The following CHD6 variants were observed in gnomAD, a reference collection of about 807,000 sequenced individuals.
CHD6 encodes chromodomain helicase DNA binding protein 6, also known as ATP-dependent chromatin remodeler CHD6.
A neutral mutation model predicts 276.9 loss-of-function variants in CHD6; 50 were observed. The ratio of observed to expected loss-of-function variants is 0.18; its 90% CI spans 0.14 to 0.23. The LOEUF (loss-of-function observed/expected upper bound fraction) is 0.23, where lower values mean the gene tolerates loss of function less well. Among genes scored for constraint, CHD6 ranks in the 10% least tolerant of loss-of-function variants. The pLI, the probability that CHD6 is intolerant of heterozygous loss-of-function variation, is 1.00. For synonymous variants in CHD6, 1,173 were observed against 1,229.3 expected, an observed-to-expected ratio of 0.95 and a Z score of 0.96; for missense variants, 2,564 against 3,365.8, an observed-to-expected ratio of 0.76 and a Z score of 5.89.
chr20:41,510,984 GAA>G (rs1301623251), intron 5 of CHD6, among the ~76,000 whole-genome samples: 1 of 152,240 alleles, frequency 6.6e-6, no homozygotes, highest in Non-Finnish European at 1.5e-5. Context: ...ACCATGACAT[GAA>G]ATCAACTGTT....
intron 33 of CHD6, among the ~76,000 whole-genome samples, chr20:41,416,112 C>T (rs1049274958): frequency 6.6e-6 from 1 of 152,180 alleles, no homozygotes; most frequent in African/African-American, 2.4e-5. Flanking sequence ...TCATCACCCC[C>T]ACCAAAACGC....
At chr20:41,477,361 A>G (rs1262575190) in intron 16 of CHD6, among the ~76,000 whole-genome samples, 2 of 152,186 alleles carry the variant, frequency 1.3e-5, no homozygotes, top group African/African-American at 2.4e-5. Context: ...AGTATACATA[A>G]TATCTCCCTA....
chr20:41,602,355 T>C (rs1278069284), intron 1 of CHD6, among the ~76,000 whole-genome samples: 1 of 152,152 alleles, frequency 6.6e-6, no homozygotes, highest in Non-Finnish European at 1.5e-5. Flanking sequence ...AAAAAGAAGG[T>C]GCCCATTTCA....
At chr20:41,520,869 A>T (rs568983289) in intron 3 of CHD6, among the ~76,000 whole-genome samples, 68 of 152,302 alleles carry the variant, frequency 4.5e-4, no homozygotes, top group African/African-American at 1.5e-3. Flanking sequence ...ATTTCTAAAG[A>T]TATTTAAGTG....
Position 41,430,480 on chromosome 20 carries a change from G to C in CHD6, c.4069-4327C>G, listed in dbSNP as rs367967025. Among the ~76,000 whole-genome samples the C allele has an allele frequency of 9.9e-5, 15 of 152,162 alleles. No homozygotes were observed. The East Asian group carries it at 2.5e-3, about 25-fold the overall frequency. ...CATATGAGCTACTGCTGGGAGGAAG[G>C]GGCATAAACCCACACCTGAATTACT... is the stretch of plus-strand genomic sequence containing the variant. On this transcript the variant is annotated intron_variant, in intron 27 of 36. Transcript: ENST00000373233.
intron 1 of CHD6, among the ~76,000 whole-genome samples, chr20:41,594,166 A>C (rs1328587576): frequency 1.3e-5 from 2 of 152,160 alleles, no homozygotes; most frequent in Non-Finnish European, 2.9e-5. Context: ...GGTGTTCCAC[A>C]GTATCAATAG....
At chr20:41,507,280 T>A (rs370314137) in intron 5 of CHD6, among the ~76,000 whole-genome samples, 2 of 152,184 alleles carry the variant, frequency 1.3e-5, no homozygotes, top group African/African-American at 4.8e-5. Context: ...CTTTAATACA[T>A]GGATGAAGAA....
intron 1 of CHD6, among the ~76,000 whole-genome samples, chr20:41,553,230 CAAT>C (rs1787946006): frequency 6.6e-6 from 1 of 152,180 alleles, no homozygotes; most frequent in Admixed American, 6.5e-5. Context: ...AGGGTATTAA[CAAT>C]AAGACATACG....
At chr20:41,538,092 C>T (rs1393957394) in intron 2 of CHD6, among the ~76,000 whole-genome samples, 2 of 152,186 alleles carry the variant, frequency 1.3e-5, no homozygotes, top group African/African-American at 2.4e-5. Flanking sequence ...TGGCTCACAC[C>T]TATAATCCCA....
Position 41,415,256 on chromosome 20 carries a change from C to T in CHD6, c.6869G>A (p.Arg2290Lys). Residue 2290 changes from arginine to lysine, a missense_variant, in exon 34 of 37, where the codon AGG becomes AAG. Arg to Lys is a conservative substitution (Grantham distance 26). This residue lies in a region of CHD6 where 1,024 missense variants were observed against 1,047.9 expected (regional missense o/e 0.98). Coordinates refer to ENST00000373233, the MANE Select transcript of CHD6 (RefSeq NM_032221.5). The stretch of plus-strand genomic sequence containing the variant: ...CATCCCTCCTTCAACATGTTTCCGC[C>T]TCCCTCTCCGCCTCCTCGTGGCTGC... ...DDAATRRRRG[R>K]RKHVEGGMDL... 1 of 1,614,154 alleles carries T rather than the reference C, an allele frequency of 6.2e-7. No individual in the cohort carries two copies. The highest frequency in any genetic ancestry group is 1.1e-5 in the South Asian group (1 of 91,064).
intron 2 of CHD6, among the ~76,000 whole-genome samples, chr20:41,544,979 A>G (rs1215889921): frequency 6.6e-6 from 1 of 152,168 alleles, no homozygotes; most frequent in Non-Finnish European, 1.5e-5. Flanking sequence ...GCTTTCTAAC[A>G]TACAAGCAAA....
intron 5 of CHD6, among the ~76,000 whole-genome samples, 159 bp downstream of exon 5, chr20:41,512,687 C>G (rs1455965818): frequency 1.3e-5 from 2 of 149,548 alleles, no homozygotes; most frequent in African/African-American, 4.8e-5. Context: ...AGTAAGGAGT[C>G]TGAATGTCAT....
chr20:41,475,668 C>T (rs540571273), intron 16 of CHD6, among the ~76,000 whole-genome samples: 13 of 152,258 alleles, frequency 8.5e-5, no homozygotes, highest in South Asian at 2.1e-4. Flanking sequence ...CATTTCCCCC[C>T]CTCTACCCTC....
intron 1 of CHD6, among the ~76,000 whole-genome samples, chr20:41,604,732 G>A (rs571493301): frequency 6.6e-6 from 1 of 152,310 alleles, no homozygotes; most frequent in East Asian, 1.9e-4. Flanking sequence ...TTCCCCACCT[G>A]TGGCGGGGAG....
In CHD6 at chr20:41,551,267, C is replaced by A. The variant is rs201618667; in HGVS notation, c.33+38G>T. 5.8e-6 allele frequency: 8 copies of A among 1,380,152 alleles called. No homozygotes were observed. In the East Asian group the frequency reaches 1.7e-4, roughly 29 times the overall value. 85.5% of individuals were successfully genotyped at this position (1,380,152 alleles called of 1,614,324 possible). A position where few individuals can be genotyped will look rare whatever the true frequency, so the allele number is the denominator to read the frequency against. Reference sequence around the variant, plus strand: ...CCCTTGTTGAAAAAGCACCAAGATACCCGGATGCATTCACTTAAAAGAAAA... The same window carrying A: ...CCCTTGTTGAAAAAGCACCAAGATAACCGGATGCATTCACTTAAAAGAAAA... On this transcript the variant is annotated intron_variant, in intron 2 of 36. Coordinates refer to ENST00000373233, the MANE Select transcript of CHD6 (RefSeq NM_032221.5).
intron 3 of CHD6, among the ~76,000 whole-genome samples, chr20:41,529,594 T>C (rs144874901): frequency 6.6e-6 from 1 of 152,184 alleles, no homozygotes; most frequent in East Asian, 1.9e-4. Flanking sequence ...ACCTGAAGAA[T>C]GGAAAGGACT....
chr20:41,417,259 G>A lies in CHD6; in HGVS notation c.6218C>T (p.Ala2073Val), dbSNP rs767259231. 7 of 1,614,138 alleles carry A rather than the reference G, an allele frequency of 4.3e-6. No individual in the cohort carries two copies. In the Admixed American group the frequency reaches 1.0e-4, roughly 23 times the overall value. The change falls in exon 32 of 37, where the codon GCT becomes GTT. Residue 2073 changes from alanine to valine, a missense_variant. By Grantham distance (64) the Ala-to-Val change is moderately conservative. Transcript: ENST00000373233. The stretch of plus-strand genomic sequence containing the variant: ...CTGTAGCAGCTGAGCAATAGTGGGA[G>A]CTCGAGCCTCCTGTAGCTCATCCCC... Reference protein sequence around the residue: ...DIGDELQEARAPTIAQLLQEK... With the variant: ...DIGDELQEARVPTIAQLLQEK...
rs111717901 is a variant in CHD6 at position 41,406,477 on chromosome 20, G to C, written c.7252-988C>G. 3.3e-4 allele frequency among the ~76,000 whole-genome samples: 51 copies of C among 152,338 alleles called. 1 individual carries two copies. The highest frequency in any genetic ancestry group is 1.1e-3 in the African/African-American group (46 of 41,580). On this transcript the variant is annotated intron_variant, in intron 36 of 36. Coordinates refer to ENST00000373233, the MANE Select transcript of CHD6 (RefSeq NM_032221.5). ...AGGGCAGATTGCTCCAGCAGCATCA[G>C]CGAGCGGAAGGCAGCACGTGGAAAG...
chr20:41,578,659 C>T (rs2045500618), intron 1 of CHD6, among the ~76,000 whole-genome samples: 1 of 140,438 alleles, frequency 7.1e-6, no homozygotes, highest in South Asian at 2.2e-4. Flanking sequence ...CACTACAGCC[C>T]GGGCAACAGA....
Sources: gnomAD v4.1 joint callset for allele counts (sites outside exome capture counted in the v4.1 genomes callset) on GRCh38, gnomAD v4.1.1 for gene constraint, gnomAD v4.1.1 regional missense constraint, MANE v1.5 for transcripts, NCBI Gene and HGNC (gene_info 2026-07-23, HGNC 2026-07-21) for gene names.